Variants in CCNY observed in about 807,000 individuals in gnomAD.
CCNY encodes the protein cyclin-Y.
CCNY carries 19 observed loss-of-function variants against 42.8 expected under a neutral mutation model. That is an observed-to-expected ratio of 0.44 (90% CI 0.31 to 0.65). CCNY has a LOEUF of 0.65. CCNY is among the 30% of genes least tolerant of loss of function. The pLI, the probability that CCNY is intolerant of heterozygous loss-of-function variation, is 0.07. For missense variants in CCNY, 370 were observed against 437.3 expected, an observed-to-expected ratio of 0.85 and a Z score of 1.37; for synonymous variants, 165 against 162.7, an observed-to-expected ratio of 1.01 and a Z score of -0.11.
At chr10:35,566,230 A>G (rs376420194) in intron 9 of CCNY, 45 bp downstream of exon 9, 1 of 1,574,182 alleles carries the variant, frequency 6.4e-7, no homozygotes, top group Non-Finnish European at 8.6e-7. Flanking sequence ...TGTTGCCAAT[A>G]CATCATCTGA....
chr10:35,501,482 G>C lies in CCNY; in HGVS notation c.230-19G>C. On this transcript the variant is annotated intron_variant, in intron 2 of 9. Coordinates refer to ENST00000374704, the MANE Select transcript of CCNY (RefSeq NM_145012.6). The stretch of plus-strand genomic sequence containing the variant: ...CATGCAGGCATATAACATTTCTGTT[G>C]CATCTTTTGTTTTCACAGTGAGAGA... The C allele has an allele frequency of 6.2e-7, 1 of 1,612,438 alleles. No homozygotes were observed. Among genetic ancestry groups the C allele is most frequent in the Non-Finnish European group, 8.5e-7 (1 of 1,178,456 alleles).
chr10:35,425,491 G>A (rs1442077865), intron 1 of CCNY, among the ~76,000 whole-genome samples: 2 of 152,304 alleles, frequency 1.3e-5, no homozygotes, highest in East Asian at 3.9e-4. Flanking sequence ...CTCCGTAATA[G>A]AATATTAGTT....
At chr10:35,465,265 C>T (rs933527335) in intron 1 of CCNY, among the ~76,000 whole-genome samples, 2 of 152,108 alleles carry the variant, frequency 1.3e-5, no homozygotes, top group Non-Finnish European at 2.9e-5. Flanking sequence ...TTTCACTGAC[C>T]GATGGCCCCT....
chr10:35,508,140 A>T (rs1476552408), intron 3 of CCNY, among the ~76,000 whole-genome samples: 1 of 152,038 alleles, frequency 6.6e-6, no homozygotes, highest in African/African-American at 2.4e-5. Context: ...AATCTTTATT[A>T]TTTTTGGTTA....
intron 1 of CCNY, among the ~76,000 whole-genome samples, chr10:35,409,198 C>T (rs1289695771): frequency 6.6e-6 from 1 of 152,142 alleles, no homozygotes; most frequent in African/African-American, 2.4e-5. Flanking sequence ...GGCCAGCTGC[C>T]TTGCCAGCTG....
chr10:35,387,937 C>A (rs931287590), intron 1 of CCNY, among the ~76,000 whole-genome samples: 5 of 152,122 alleles, frequency 3.3e-5, no homozygotes, highest in African/African-American at 1.2e-4. Context: ...GTTCTTCTGC[C>A]TTTGTGCACG....
At chr10:35,325,991 G>A (rs541168320) in intron 3 of CCNY, among the ~76,000 whole-genome samples, 2 of 152,104 alleles carry the variant, frequency 1.3e-5, no homozygotes, top group African/African-American at 2.4e-5. Flanking sequence ...TAGGAGGATC[G>A]CTTGAGCCCA....
intron 3 of CCNY, among the ~76,000 whole-genome samples, chr10:35,301,798 C>T (rs1300220069): frequency 6.6e-6 from 1 of 151,850 alleles, no homozygotes; most frequent in Non-Finnish European, 1.5e-5. Context: ...CCATGCCTAG[C>T]TAATTTTTGT....
At position 35,473,885 on chromosome 10, in the gene CCNY, C is replaced by T. The variant is rs370817478; in HGVS notation, c.155-9519C>T. Among the ~76,000 whole-genome samples, 52 of 152,230 alleles carry T rather than the reference C, an allele frequency of 3.4e-4. 1 individual carries two copies. In the East Asian group the frequency reaches 6.4e-3, roughly 19 times the overall value. Reference sequence around the variant, plus strand: ...ATTTCTGCATTTCCATCTGAGGTACCGGGTTCATCTCACTAGGGAGTGCCA... The same window carrying T: ...ATTTCTGCATTTCCATCTGAGGTACTGGGTTCATCTCACTAGGGAGTGCCA... On this transcript the variant is annotated intron_variant, in intron 1 of 9. Coordinates refer to ENST00000374704, the MANE Select transcript of CCNY (RefSeq NM_145012.6).
intron 1 of CCNY, among the ~76,000 whole-genome samples, chr10:35,470,659 A>AGCAGCACTTGGCTGCG (rs1839374931): frequency 1.3e-5 from 2 of 152,134 alleles, no homozygotes; most frequent in Non-Finnish European, 2.9e-5. Context: ...CCAGAACTGC[A>AGCAGCACTTGGCTGCG]GTAGCAGCAC....
intron 3 of CCNY, among the ~76,000 whole-genome samples, chr10:35,316,878 CT>C (rs1440272525): frequency 6.6e-6 from 1 of 152,212 alleles, no homozygotes; most frequent in Admixed American, 6.5e-5. Context: ...CCAAGTCTCG[CT>C]CTGTTGCCCA....
chr10:35,526,956 A>T (rs942764516), intron 5 of CCNY, among the ~76,000 whole-genome samples: 4 of 152,236 alleles, frequency 2.6e-5, no homozygotes, highest in African/African-American at 9.6e-5. Context: ...ACCACATGCT[A>T]AGTGCAGAGC....
intron 2 of CCNY, among the ~76,000 whole-genome samples, chr10:35,497,713 C>T (rs578003647): frequency 9.2e-5 from 12 of 129,820 alleles, no homozygotes; most frequent in African/African-American, 3.3e-4. Flanking sequence ...GATTACAGAG[C>T]GAGACTCCGT....
chr10:35,437,969 C>T (rs550890196), intron 1 of CCNY, among the ~76,000 whole-genome samples: 3 of 152,082 alleles, frequency 2.0e-5, no homozygotes, highest in African/African-American at 7.2e-5. Context: ...CCCTTCACCC[C>T]ACAGCCTACT....
intron 1 of CCNY, among the ~76,000 whole-genome samples, chr10:35,428,829 A>G (rs1048454756): frequency 3.9e-5 from 6 of 152,234 alleles, no homozygotes; most frequent in African/African-American, 1.4e-4. Flanking sequence ...GTGCAATGGG[A>G]TGATGGTTGC....
chr10:35,448,435 C>T (rs1485128239), intron 1 of CCNY, among the ~76,000 whole-genome samples: 9 of 152,102 alleles, frequency 5.9e-5, no homozygotes, highest in Admixed American at 5.9e-4. Flanking sequence ...TCTCTTTCCT[C>T]ATAGGTAACA....
chr10:35,526,100 T>A, intron 5 of CCNY, 101 bp downstream of exon 5: 1 of 1,002,298 alleles, frequency 1.0e-6, no homozygotes, highest in Non-Finnish European at 1.5e-6. Flanking sequence ...AATTATACTT[T>A]CTTAACTCAT....
chr10:35,471,327 G>GT (rs2135346032), intron 1 of CCNY, among the ~76,000 whole-genome samples: 1 of 152,264 alleles, frequency 6.6e-6, no homozygotes, highest in African/African-American at 2.4e-5. Context: ...ATCCAGTGCT[G>GT]TTTAGGTCTT....
At position 35,355,678 on chromosome 10, in the gene CCNY, CAAAAAA is replaced by C. The variant is rs60257114; in HGVS notation, c.154+18494_154+18499del. Among the ~76,000 whole-genome samples the C allele has an allele frequency of 1.3e-3, 72 of 57,420 alleles. 2 individuals are homozygous for C. In the East Asian group the frequency reaches 0.024, roughly 19 times the overall value. The allele number at this position is 57,420 out of a possible 152,430, so 37.7% of individuals were successfully genotyped here. The stretch of plus-strand genomic sequence containing the variant: ...GGGCAACAGAGCAAGATACTGTCTC[CAAAAAA>C]AAAAAAAAAAAAAAAAAAAAAAGAG... On this transcript the variant is annotated intron_variant, in intron 1 of 9. Coordinates refer to ENST00000374704, the MANE Select transcript of CCNY (RefSeq NM_145012.6).
Sources: allele counts gnomAD v4.1 joint callset (sites outside exome capture counted in the v4.1 genomes callset), GRCh38; gene constraint gnomAD v4.1.1; transcripts MANE v1.5; gene names NCBI Gene and HGNC (gene_info 2026-07-23, HGNC 2026-07-21).